The following HCK variants were observed in gnomAD, a reference collection of about 807,000 sequenced individuals.
The protein encoded by HCK is tyrosine-protein kinase HCK.
Under a neutral mutation model 70.4 loss-of-function variants are expected in HCK, and 40 were observed. The observed-to-expected ratio is 0.57, with a 90% confidence interval of 0.44 to 0.74. HCK has a LOEUF of 0.74. HCK is among the 30% of genes least tolerant of loss of function. The probability of loss-of-function intolerance (pLI) is 0.00; values close to 1 mark genes in which losing one functional copy is unlikely to be tolerated. For missense variants in HCK, 568 were observed against 697.2 expected (o/e 0.81, Z 2.09); for synonymous variants, 245 against 263.2 (o/e 0.93, Z 0.67).
intron 5 of HCK, among the ~76,000 whole-genome samples, chr20:32,076,655 T>A (rs966923155): frequency 6.6e-6 from 1 of 152,190 alleles, no homozygotes; most frequent in South Asian, 2.1e-4. Flanking sequence ...AGCAACAGCA[T>A]CACCTGGATT....
intron 5 of HCK, among the ~76,000 whole-genome samples, chr20:32,075,714 C>CCATA (rs1471467722): frequency 7.9e-5 from 12 of 151,810 alleles, no homozygotes; most frequent in Non-Finnish European, 1.3e-4. Context: ...ATTCATCCAT[C>CCATA]CATCCATCCA....
At position 32,064,064 on chromosome 20, in the gene HCK, C is replaced by T. The variant is rs181374537; in HGVS notation, c.63-7598C>T. 3.3e-4 allele frequency among the ~76,000 whole-genome samples: 42 copies of T among 126,892 alleles called. No homozygotes were observed. The East Asian group carries it at 6.2e-3, about 19-fold the overall frequency. The allele number at this position is 126,892 out of a possible 152,430, so 83.2% of individuals were successfully genotyped here. A position where few individuals can be genotyped will look rare whatever the true frequency, so the allele number is the denominator to read the frequency against. On this transcript the variant is annotated intron_variant, in intron 1 of 12. Transcript: ENST00000375852. Reference sequence around the variant, plus strand: ...TGTCACCCAGGCTGGAGTGCAATGGCGCAATCTCGGCTCACTGCAACCTCC... The same window carrying T: ...TGTCACCCAGGCTGGAGTGCAATGGTGCAATCTCGGCTCACTGCAACCTCC...
rs188241037 is a variant in HCK, at chr20:32,087,121, G to T, written c.1015+314G>T. ...AGTGAGCCTTAGAGGCCAGGGTGTGGCATGGGTGGTGGGGGTGCCACTCTC... is the reference window on the plus strand; with the variant it reads ...AGTGAGCCTTAGAGGCCAGGGTGTGTCATGGGTGGTGGGGGTGCCACTCTC... On this transcript the variant is annotated intron_variant, in intron 9 of 12. Coordinates refer to ENST00000375852, the MANE Select transcript of HCK (RefSeq NM_002110.5). Among the ~76,000 whole-genome samples the T allele has an allele frequency of 7.2e-5, 11 of 152,292 alleles. No individual in the cohort carries two copies. The East Asian group carries it at 1.9e-3, about 27-fold the overall frequency.
chr20:32,093,794 T>C, intron 10 of HCK, 69 bp from the exon 11 acceptor site: 2 of 1,467,980 alleles, frequency 1.4e-6, no homozygotes, highest in Non-Finnish European at 1.9e-6. Context: ...ACCTCTCTGC[T>C]GCTTTTGGGT....
At position 32,094,000 on chromosome 20, in the gene HCK, G is replaced by A; in HGVS notation, c.1230G>A (p.Glu410=). The A allele has an allele frequency of 1.2e-6, 2 of 1,613,674 alleles. No individual in the cohort carries two copies. The highest frequency in any genetic ancestry group is 2.2e-5 in the South Asian group (2 of 91,046). The change falls in exon 11 of 13, where the codon GAG becomes GAA. Residue 410 remains glutamate (E), a synonymous_variant. Coordinates refer to ENST00000375852, the MANE Select transcript of HCK (RefSeq NM_002110.5). The stretch of plus-strand genomic sequence containing the variant: ...TGGCCCGGGTCATTGAGGACAACGA[G>A]TACACGGCTCGGGAAGGTAGGGAAC...
intron 2 of HCK, 195 bp downstream of exon 2, chr20:32,071,977 CT>C (rs1187690031): frequency 1.6e-6 from 1 of 636,384 alleles, no homozygotes; most frequent in East Asian, 2.9e-5. Flanking sequence ...AAGAAGTCAT[CT>C]CTCTTTCCTG....
intron 12 of HCK, among the ~76,000 whole-genome samples, chr20:32,101,072 A>G (rs1016363457): frequency 2.6e-5 from 4 of 152,182 alleles, no homozygotes; most frequent in Non-Finnish European, 5.9e-5. Flanking sequence ...AAGCGGGAGG[A>G]AAAACCTTTC....
intron 11 of HCK, among the ~76,000 whole-genome samples, chr20:32,097,642 A>G (rs1054717717): frequency 1.3e-5 from 2 of 152,164 alleles, no homozygotes; most frequent in African/African-American, 2.4e-5. Context: ...AGTAGAATGT[A>G]TAATTTCTAA....
intron 1 of HCK, 47 bp from the exon 2 acceptor site, chr20:32,071,615 A>G: frequency 6.2e-7 from 1 of 1,602,976 alleles, no homozygotes; most frequent in East Asian, 2.2e-5. Context: ...ACTTCCCCGC[A>G]TGAGGCTCTT....
intron 12 of HCK, 46 bp downstream of exon 12, chr20:32,099,181 G>T: frequency 6.3e-7 from 1 of 1,593,880 alleles, no homozygotes; most frequent in Non-Finnish European, 8.6e-7. Context: ...GGCCCAGTCT[G>T]GCAATGGGCT....
chr20:32,095,350 G>A (rs1403282953), intron 11 of HCK, among the ~76,000 whole-genome samples: 2 of 152,084 alleles, frequency 1.3e-5, no homozygotes, highest in Admixed American at 6.6e-5. Context: ...CTGCCTCCCA[G>A]GTTCAAGCGA....
intron 11 of HCK, among the ~76,000 whole-genome samples, chr20:32,094,797 GAA>G (rs1176663943): frequency 0.049 from 1,552 of 31,926 alleles, 46 homozygotes; most frequent in Middle Eastern, 0.11. Flanking sequence ...GAGAAAGAAA[GAA>G]AGAAAGAAAG....
At chr20:32,057,331 T>A (rs2045287824) in intron 1 of HCK, among the ~76,000 whole-genome samples, 2 of 152,182 alleles carry the variant, frequency 1.3e-5, no homozygotes, top group African/African-American at 2.4e-5. Context: ...CTGGGTGCGG[T>A]GGCTCACCCT....
At chr20:32,074,332 T>C (rs2045590495) in intron 4 of HCK, among the ~76,000 whole-genome samples, 1 of 152,164 alleles carries the variant, frequency 6.6e-6, no homozygotes, top group Non-Finnish European at 1.5e-5. Context: ...GCCATGGGTA[T>C]AGCTAATAAG....
Position 32,101,598 on chromosome 20 carries a change from C to A in HCK, c.*79C>A. The A allele has an allele frequency of 1.7e-6, 2 of 1,195,170 alleles. No homozygotes were observed. The highest frequency in any genetic ancestry group is 1.2e-6 in the Non-Finnish European group (1 of 839,070). The allele number at this position is 1,195,170 out of a possible 1,614,324, so 74.0% of individuals were successfully genotyped here. The stretch of plus-strand genomic sequence containing the variant: ...CTCCAGCACCATCCGCCAGGGCCCA[C>A]ACCCCCTTCCTACTCCCAGACACCC... On this transcript the variant is annotated 3_prime_UTR_variant, in exon 13 of 13. Coordinates refer to ENST00000375852, the MANE Select transcript of HCK (RefSeq NM_002110.5).
intron 12 of HCK, among the ~76,000 whole-genome samples, chr20:32,099,594 G>A (rs2046006047): frequency 6.6e-6 from 1 of 152,044 alleles, no homozygotes; most frequent in African/African-American, 2.4e-5. Flanking sequence ...CTGACCTTAG[G>A]TGATGCGCCT....
Position 32,094,795 on chromosome 20 carries a change from A to AG in HCK, c.1246+779_1246+780insG, listed in dbSNP as rs1569010536. Among the ~76,000 whole-genome samples, 123 of 22,958 alleles carry AG rather than the reference A, an allele frequency of 5.4e-3. 2 individuals carry two copies. The highest frequency in any genetic ancestry group is 0.011 in the Admixed American group (22 of 2,026). 15.1% of individuals were successfully genotyped at this position (22,958 alleles called of 152,430 possible). A position where few individuals can be genotyped will look rare whatever the true frequency, so the allele number is the denominator to read the frequency against. The stretch of plus-strand genomic sequence containing the variant: ...AAAGAAAGAGAGAGAAAGAGAAAGA[A>AG]AGAAAGAAAGAAAGAAAGAAAGAAA... On this transcript the variant is annotated intron_variant, in intron 11 of 12. Coordinates refer to ENST00000375852, the MANE Select transcript of HCK (RefSeq NM_002110.5).
intron 6 of HCK, 125 bp downstream of exon 6, chr20:32,080,002 A>G (rs2045686972): frequency 2.8e-6 from 2 of 703,756 alleles, no homozygotes; most frequent in East Asian, 2.7e-5. Context: ...TGTGGCTGCC[A>G]GGTTTCTCCT....
Position 32,059,631 on chromosome 20 carries a change from C to T in HCK, c.62+7145C>T, listed in dbSNP as rs528428332. Among the ~76,000 whole-genome samples, 3 of 152,136 alleles carry T rather than the reference C, an allele frequency of 2.0e-5. No individual in the cohort carries two copies. The South Asian group carries it at 6.2e-4, about 31-fold the overall frequency. On this transcript the variant is annotated intron_variant, in intron 1 of 12. Coordinates refer to ENST00000375852, the MANE Select transcript of HCK (RefSeq NM_002110.5). ...CTGCGCTCAAGCGATCCTCCCACCT[C>T]AGCCTCCTGAGTAGCTGGGATCACA... is the stretch of plus-strand genomic sequence containing the variant.
Sources: allele counts gnomAD v4.1 joint callset (sites outside exome capture counted in the v4.1 genomes callset), GRCh38; gene constraint gnomAD v4.1.1; transcripts MANE v1.5; gene names NCBI Gene and HGNC (gene_info 2026-07-23, HGNC 2026-07-21).